Variants in NFATC1 observed in about 807,000 individuals in gnomAD.
NFATC1 encodes nuclear factor of activated T-cells, cytoplasmic 1.
NFATC1 carries 22 observed loss-of-function variants against 76.0 expected under a neutral mutation model. The observed-to-expected ratio is 0.29, with a 90% confidence interval of 0.21 to 0.41. The LOEUF (loss-of-function observed/expected upper bound fraction) is 0.41, where lower values mean the gene tolerates loss of function less well. Ranked by LOEUF, NFATC1 falls within the 10% of genes least tolerant of loss-of-function variation. The pLI is 1.00. For missense variants in NFATC1, 1,357 were observed against 1,337.7 expected (o/e 1.01, Z -0.23); for synonymous variants, 704 against 613.1 (o/e 1.15, Z -2.19).
chr18:79,402,960 A>G (rs963415134), intron 1 of NFATC1, among the ~76,000 whole-genome samples: 2 of 152,262 alleles, frequency 1.3e-5, no homozygotes, highest in Non-Finnish European at 2.9e-5. Context: ...AGCAAGGCAA[A>G]CTGGGTTTTA....
In NFATC1 at chr18:79,435,352, G is replaced by GT. The variant is rs768119556; in HGVS notation, c.1386+1630dup. ...GTTTGTTTTGTTTTTTGGTTTGTTT[G>GT]TTTTTTTTTTTTTTTTGAGACGGAG... On this transcript the variant is annotated intron_variant, in intron 3 of 9. Transcript: ENST00000427363. Among the ~76,000 whole-genome samples the GT allele has an allele frequency of 9.4e-3, 1,043 of 111,390 alleles. 7 individuals carry two copies. The highest frequency in any genetic ancestry group is 0.015 in the Non-Finnish European group (765 of 52,046). The allele number at this position is 111,390 out of a possible 152,430, so 73.1% of individuals were successfully genotyped here.
At chr18:79,443,601 G>C (rs997915274) in intron 3 of NFATC1, among the ~76,000 whole-genome samples, 1 of 152,226 alleles carries the variant, frequency 6.6e-6, no homozygotes, top group Non-Finnish European at 1.5e-5. Flanking sequence ...AACCTCCGCC[G>C]TTCAGGCCTC....
rs368902621 is a variant in NFATC1, at chr18:79,410,050, C to T, written c.128-353C>T. On this transcript the variant is annotated intron_variant, in intron 1 of 9. Transcript: ENST00000427363. This position sits in a 1 kb window ranked among gnomAD's most constrained non-coding sequence, Gnocchi z 6.7. ...GTCGCCTCTCTCTGGGAAGGACGTT[C>T]GGATGAAGATGGGGTGGTTGGGGAA... The T allele has an allele frequency of 8.1e-5, 50 of 619,428 alleles. No individual in the cohort carries two copies. Among genetic ancestry groups the T allele is most frequent in the East Asian group, 1.8e-4 (5 of 27,964 alleles). 38.4% of individuals were successfully genotyped at this position (619,428 alleles called of 1,614,324 possible).
At chr18:79,429,656 A>G (rs558916975) in intron 2 of NFATC1, among the ~76,000 whole-genome samples, 26 of 152,362 alleles carry the variant, frequency 1.7e-4, no homozygotes, top group African/African-American at 6.3e-4. Flanking sequence ...TTTCCCGCTC[A>G]TTTGGGCTCT....
At chr18:79,527,337 C>A in intron 9 of NFATC1, 191 bp from the exon 10 acceptor site, 1 of 572,032 alleles carries the variant, frequency 1.7e-6, no homozygotes, top group South Asian at 2.2e-5. Flanking sequence ...GACCCCAGCT[C>A]TCTGCCGAGG....
chr18:79,415,322 A>C (rs889783095), intron 2 of NFATC1, among the ~76,000 whole-genome samples: 5 of 152,128 alleles, frequency 3.3e-5, no homozygotes, highest in African/African-American at 9.7e-5. Flanking sequence ...TCGCTCTGTC[A>C]CCCAGACTGG....
intron 6 of NFATC1, among the ~76,000 whole-genome samples, chr18:79,458,995 G>T (rs1052137322): frequency 6.6e-6 from 1 of 152,226 alleles, no homozygotes; most frequent in Non-Finnish European, 1.5e-5. Flanking sequence ...CACCCTGGTC[G>T]ACCTGAAACG....
intron 9 of NFATC1, among the ~76,000 whole-genome samples, chr18:79,510,357 G>T (rs1425799552): frequency 3.9e-5 from 6 of 152,236 alleles, no homozygotes; most frequent in Non-Finnish European, 8.8e-5. Context: ...TCAGATCCCT[G>T]AGCCCTCAGA....
rs1320006868 is a variant in NFATC1, at chr18:79,505,530, C to G, written c.2782+18593C>G. ...GACTGCTGTGTGGGAGGAGGTGGTG[C>G]TGGAGGCCCTTGGGTGAGGGAAGAG... On this transcript the variant is annotated intron_variant, in intron 9 of 9. Transcript: ENST00000427363. Among the ~76,000 whole-genome samples, 275 of 37,278 alleles carry G rather than the reference C, an allele frequency of 7.4e-3. 13 individuals are homozygous for G. The highest frequency in any genetic ancestry group is 0.035 in the African/African-American group (259 of 7,378). 24.5% of individuals were successfully genotyped at this position (37,278 alleles called of 152,430 possible).
intron 6 of NFATC1, among the ~76,000 whole-genome samples, chr18:79,460,972 G>T (rs2088038472): frequency 6.6e-6 from 1 of 152,258 alleles, no homozygotes; most frequent in African/African-American, 2.4e-5. Flanking sequence ...TCCTGAGGCT[G>T]TGAGAGGCCA....
chr18:79,460,714 G>T (rs1206055659), intron 6 of NFATC1, among the ~76,000 whole-genome samples: 1 of 152,154 alleles, frequency 6.6e-6, no homozygotes, highest in Non-Finnish European at 1.5e-5. Flanking sequence ...AGGGCCAGCG[G>T]CCAGGCCCTC....
chr18:79,482,775 T>C (rs1273104069), intron 8 of NFATC1, among the ~76,000 whole-genome samples: 5 of 135,504 alleles, frequency 3.7e-5, no homozygotes, highest in Non-Finnish European at 6.4e-5. Flanking sequence ...TGGGGTGTAA[T>C]TCCAGCGTGA....
intron 9 of NFATC1, among the ~76,000 whole-genome samples, chr18:79,523,724 C>A (rs750430069): frequency 1.3e-4 from 20 of 152,056 alleles, no homozygotes; most frequent in Non-Finnish European, 1.5e-4. Flanking sequence ...AGCCTGCAGC[C>A]AGGATTCAAA....
At chr18:79,464,698 A>ATATATATATAGAT (rs1329123171) in intron 7 of NFATC1, among the ~76,000 whole-genome samples, 1 of 94,876 alleles carries the variant, frequency 1.1e-5, no homozygotes, top group Non-Finnish European at 2.0e-5. Context: ...ATATATATTT[A>ATATATATATAGAT]TTTATTTATT....
chr18:79,456,615 G>A (rs1191128493), intron 6 of NFATC1, among the ~76,000 whole-genome samples: 1 of 151,106 alleles, frequency 6.6e-6, no homozygotes, highest in African/African-American at 2.5e-5. Context: ...CCCCTGTAAG[G>A]CAGACTAGTG....
chr18:79,397,643 AT>A (rs909160659), intron 1 of NFATC1, among the ~76,000 whole-genome samples: 18 of 152,000 alleles, frequency 1.2e-4, no homozygotes, highest in South Asian at 4.2e-4. Flanking sequence ...AGTTTAAAAA[AT>A]TTTTTTTTGT....
chr18:79,406,060 A>AC (rs1428191898), intron 1 of NFATC1, among the ~76,000 whole-genome samples: 1 of 151,876 alleles, frequency 6.6e-6, no homozygotes, highest in Non-Finnish European at 1.5e-5. Flanking sequence ...TGGCTCTAGT[A>AC]CCCCGTGTGG....
At chr18:79,444,937 C>G (rs2087144215) in intron 3 of NFATC1, among the ~76,000 whole-genome samples, 2 of 152,208 alleles carry the variant, frequency 1.3e-5, no homozygotes, top group African/African-American at 4.8e-5. Context: ...ACCGTGGACC[C>G]CAGAGCCCGA....
At chr18:79,435,864 C>T (rs1042488210) in intron 3 of NFATC1, among the ~76,000 whole-genome samples, 2 of 152,190 alleles carry the variant, frequency 1.3e-5, no homozygotes, top group African/African-American at 2.4e-5. Flanking sequence ...CATTGAAACG[C>T]GGGAGAAAAC....
Sources: gnomAD v4.1 joint callset for allele counts (sites outside exome capture counted in the v4.1 genomes callset) on GRCh38, gnomAD v4.1.1 for gene constraint, Gnocchi (gnomAD v3.1) non-coding constraint, MANE v1.5 for transcripts, NCBI Gene and HGNC (gene_info 2026-07-23, HGNC 2026-07-21) for gene names.